E2F3: variants seen among roughly 807,000 people sequenced by gnomAD.
E2F3 encodes the protein transcription factor E2F3.
E2F3 carries 11 observed loss-of-function variants against 44.4 expected under a neutral mutation model. That is an observed-to-expected ratio of 0.25 (90% CI 0.16 to 0.41). The LOEUF (loss-of-function observed/expected upper bound fraction) is 0.41. Ranked by LOEUF, E2F3 falls within the 10% of genes least tolerant of loss-of-function variation. E2F3 has a pLI of 1.00. For synonymous variants in E2F3, 249 were observed against 253.0 expected (o/e 0.98, Z 0.15); for missense variants, 487 against 583.6 (o/e 0.83, Z 1.70).
chr6:20,451,790 A>C (rs947437479), intron 1 of E2F3, among the ~76,000 whole-genome samples: 1 of 152,204 alleles, frequency 6.6e-6, no homozygotes, highest in African/African-American at 2.4e-5. Context: ...ATTTTATTGA[A>C]AGCCTTTTCA....
At chr6:20,453,738 A>G (rs1156687673) in intron 1 of E2F3, among the ~76,000 whole-genome samples, 3 of 152,142 alleles carry the variant, frequency 2.0e-5, no homozygotes, top group South Asian at 2.1e-4. Context: ...TGGCTACCCA[A>G]TTTCCCTAAC....
At chr6:20,456,125 G>A (rs1320746357) in intron 1 of E2F3, among the ~76,000 whole-genome samples, 2 of 151,884 alleles carry the variant, frequency 1.3e-5, no homozygotes, top group African/African-American at 4.8e-5. Context: ...CCCAGAGATG[G>A]TCAGAGTAAA....
rs1172760076 is a variant in E2F3 at position 20,448,533 on chromosome 6, TA to T, written c.394-31308del. On this transcript the variant is annotated intron_variant, in intron 1 of 6. Transcript: ENST00000346618. ...AAATATGATTTTTTTAGGGAATATGTAAAAACTGGCATCTCTTCAGATAGAC... is the reference window on the plus strand; with the variant it reads ...AAATATGATTTTTTTAGGGAATATGTAAAACTGGCATCTCTTCAGATAGAC... 4.6e-5 allele frequency among the ~76,000 whole-genome samples: 7 copies of T among 152,356 alleles called. No homozygotes were observed. The East Asian group carries it at 1.3e-3, about 29-fold the overall frequency.
chr6:20,412,413 G>A (rs1485342255), intron 1 of E2F3, among the ~76,000 whole-genome samples: 5 of 152,020 alleles, frequency 3.3e-5, no homozygotes, highest in African/African-American at 7.3e-5. Flanking sequence ...CACTGGGCTT[G>A]GTGGAAAGGG....
chr6:20,480,867 G>A (rs1372150259), intron 2 of E2F3, among the ~76,000 whole-genome samples: 2 of 152,142 alleles, frequency 1.3e-5, no homozygotes, highest in African/African-American at 4.8e-5. Flanking sequence ...TGAGGCCACA[G>A]CACTCTTTCA....
chr6:20,448,068 G>A (rs1189116222), intron 1 of E2F3, among the ~76,000 whole-genome samples: 1 of 152,150 alleles, frequency 6.6e-6, no homozygotes, highest in East Asian at 1.9e-4. Context: ...TCATTCCTGG[G>A]GATTGATATG....
In E2F3 at chr6:20,492,655, G is replaced by C. The variant is rs755092438; in HGVS notation, c.*2225G>C. On this transcript the variant is annotated 3_prime_UTR_variant, in exon 7 of 7. Coordinates refer to ENST00000346618, the MANE Select transcript of E2F3 (RefSeq NM_001949.5). ...ACCTGGCTAGATTGTTGTGTGTTTT[G>C]TTGAATTTTTTCATAATGTAATGCC... is the stretch of plus-strand genomic sequence containing the variant. The C allele has an allele frequency of 8.6e-6, 2 of 231,882 alleles. No homozygotes were observed. The highest frequency in any genetic ancestry group is 1.7e-5 in the Non-Finnish European group (2 of 116,982). 14.4% of individuals were successfully genotyped at this position (231,882 alleles called of 1,614,324 possible).
intron 1 of E2F3, among the ~76,000 whole-genome samples, chr6:20,419,384 A>G (rs1055829598): frequency 2.0e-5 from 3 of 152,186 alleles, no homozygotes; most frequent in Non-Finnish European, 4.4e-5. Context: ...GATAGATTAG[A>G]TAGGTCCAAA....
chr6:20,428,792 A>C (rs1489668022), intron 1 of E2F3, among the ~76,000 whole-genome samples: 1 of 152,234 alleles, frequency 6.6e-6, no homozygotes, highest in Non-Finnish European at 1.5e-5. Context: ...ATATATTTAG[A>C]AGAATTTTGG....
intron 1 of E2F3, among the ~76,000 whole-genome samples, chr6:20,453,454 G>T (rs1186671480): frequency 2.0e-5 from 3 of 151,960 alleles, no homozygotes; most frequent in African/African-American, 7.3e-5. Context: ...TCACTCTGTT[G>T]CCCAGACTGG....
chr6:20,440,608 T>A (rs1243524954), intron 1 of E2F3, among the ~76,000 whole-genome samples: 1 of 152,254 alleles, frequency 6.6e-6, no homozygotes, highest in Admixed American at 6.5e-5. Context: ...GTCCGCTCTC[T>A]GCAACCCACT....
At chr6:20,470,308 G>A (rs947975681) in intron 1 of E2F3, among the ~76,000 whole-genome samples, 1 of 152,196 alleles carries the variant, frequency 6.6e-6, no homozygotes, top group Non-Finnish European at 1.5e-5. Context: ...TATACTTGTT[G>A]ATAGCAGGGA....
At chr6:20,451,220 C>T (rs983180704) in intron 1 of E2F3, among the ~76,000 whole-genome samples, 4 of 151,500 alleles carry the variant, frequency 2.6e-5, no homozygotes, top group Admixed American at 2.6e-4. Flanking sequence ...CTTATGTTTT[C>T]CCATTTGTTT....
At chr6:20,459,942 A>G (rs1246912169) in intron 1 of E2F3, among the ~76,000 whole-genome samples, 2 of 152,208 alleles carry the variant, frequency 1.3e-5, no homozygotes, top group African/African-American at 4.8e-5. Context: ...CTCAAAAGAA[A>G]AAGAAAACTT....
chr6:20,431,540 C>T (rs1024657880), intron 1 of E2F3, among the ~76,000 whole-genome samples: 2 of 152,246 alleles, frequency 1.3e-5, no homozygotes, highest in Middle Eastern at 3.4e-3. Flanking sequence ...GGGCCACCCT[C>T]TACCAGTGGG....
chr6:20,429,138 A>C (rs1400784630), intron 1 of E2F3, among the ~76,000 whole-genome samples: 2 of 152,230 alleles, frequency 1.3e-5, no homozygotes, highest in Non-Finnish European at 2.9e-5. Flanking sequence ...TATCCAGCCC[A>C]AAATGTCACT....
chr6:20,479,062 T>C lies in E2F3; in HGVS notation c.394-784T>C, dbSNP rs570788169. On this transcript the variant is annotated intron_variant, in intron 1 of 6. Coordinates refer to ENST00000346618, the MANE Select transcript of E2F3 (RefSeq NM_001949.5). ...GCTATGTGGATATTTTAAAATTTAA[T>C]TGGAGTTAAATTAAAAACTTAGATA... Among the ~76,000 whole-genome samples the C allele has an allele frequency of 1.8e-4, 27 of 152,308 alleles. No homozygotes were observed. The East Asian group carries it at 4.8e-3, about 27-fold the overall frequency.
chr6:20,417,257 A>G (rs1385786080), intron 1 of E2F3, among the ~76,000 whole-genome samples: 4 of 152,316 alleles, frequency 2.6e-5, no homozygotes, highest in Non-Finnish European at 4.4e-5. Flanking sequence ...ACTATGGGAA[A>G]GTGTCCAGTG....
At chr6:20,416,834 T>C (rs1472687125) in intron 1 of E2F3, among the ~76,000 whole-genome samples, 1 of 152,172 alleles carries the variant, frequency 6.6e-6, no homozygotes, top group Non-Finnish European at 1.5e-5. Context: ...CAAAGGATAG[T>C]CTTAGGTACA....
Sources: gnomAD v4.1 joint callset for allele counts (sites outside exome capture counted in the v4.1 genomes callset) on GRCh38, gnomAD v4.1.1 for gene constraint, MANE v1.5 for transcripts, NCBI Gene and HGNC (gene_info 2026-07-23, HGNC 2026-07-21) for gene names.